ERC2: variants seen among roughly 807,000 people sequenced by gnomAD.
ERC2 encodes the protein ELKS/RAB6-interacting/CAST family member 2.
In ERC2, 42 loss-of-function variants were observed where a neutral mutation model predicts 114.8. The observed-to-expected ratio is 0.37, with a 90% confidence interval of 0.29 to 0.47. ERC2 has a LOEUF of 0.47. Among genes scored for constraint, ERC2 ranks in the 20% least tolerant of loss-of-function variants. The probability of loss-of-function intolerance (pLI) is 0.99; values close to 1 mark genes in which losing one functional copy is unlikely to be tolerated. For synonymous variants in ERC2, 454 were observed against 425.5 expected (o/e 1.07, Z -0.82); for missense variants, 939 against 1,150.7 (o/e 0.82, Z 2.66).
intron 13 of ERC2, among the ~76,000 whole-genome samples, chr3:55,894,919 C>T (rs1343001266): frequency 1.3e-5 from 2 of 152,180 alleles, no homozygotes; most frequent in African/African-American, 4.8e-5. Context: ...ATTATTCAGC[C>T]TATCTATGTC....
chr3:55,667,877 A>C (rs1187721970), intron 17 of ERC2, among the ~76,000 whole-genome samples: 1 of 152,198 alleles, frequency 6.6e-6, no homozygotes, highest in African/African-American at 2.4e-5. Context: ...GCTCTATGCC[A>C]GGATTTCTCA....
intron 16 of ERC2, among the ~76,000 whole-genome samples, chr3:55,694,146 G>A (rs1414068979): frequency 6.6e-6 from 1 of 152,160 alleles, no homozygotes; most frequent in African/African-American, 2.4e-5. Flanking sequence ...AAATACACGT[G>A]GTTGCATAGA....
At chr3:55,754,255 C>T (rs2066908895) in intron 14 of ERC2, among the ~76,000 whole-genome samples, 1 of 151,896 alleles carries the variant, frequency 6.6e-6, no homozygotes, top group African/African-American at 2.4e-5. Context: ...CTTTTATCTA[C>T]AGATTCAATA....
intron 7 of ERC2, among the ~76,000 whole-genome samples, chr3:56,064,356 G>T (rs1049504816): frequency 6.6e-6 from 1 of 152,136 alleles, no homozygotes; most frequent in Admixed American, 6.6e-5. Flanking sequence ...ATTCCATTTG[G>T]AGACAGCCTT....
intron 1 of ERC2, among the ~76,000 whole-genome samples, chr3:56,435,496 C>T (rs2061977595): frequency 6.6e-6 from 1 of 152,170 alleles, no homozygotes; most frequent in African/African-American, 2.4e-5. Context: ...TGGAATTGCC[C>T]ATCATGGAGA....
At chr3:55,846,232 A>G (rs7636607) in intron 14 of ERC2, among the ~76,000 whole-genome samples, 27,175 of 152,118 alleles carry the variant, frequency 0.18, 3,574 homozygotes, top group African/African-American at 0.37. Flanking sequence ...CCTCTTATAA[A>G]TGAGAACATA....
At chr3:56,001,794 C>A (rs1373549443) in intron 10 of ERC2, among the ~76,000 whole-genome samples, 2 of 152,136 alleles carry the variant, frequency 1.3e-5, no homozygotes, top group Non-Finnish European at 2.9e-5. Flanking sequence ...CAAAACATGA[C>A]ATTCTTTGGT....
At chr3:55,580,354 C>A (rs116504965) in intron 17 of ERC2, among the ~76,000 whole-genome samples, 2 of 151,838 alleles carry the variant, frequency 1.3e-5, no homozygotes, top group African/African-American at 4.8e-5. Context: ...GGGCAAGAAA[C>A]CTATTTCAGC....
intron 1 of ERC2, among the ~76,000 whole-genome samples, chr3:56,454,135 A>C (rs1032906737): frequency 1.1e-4 from 16 of 152,186 alleles, no homozygotes; most frequent in African/African-American, 3.9e-4. Context: ...TACCTTCCTT[A>C]AAGGCAAGAA....
intron 3 of ERC2, among the ~76,000 whole-genome samples, chr3:56,211,414 A>G (rs2049050943): frequency 6.6e-6 from 1 of 152,196 alleles, no homozygotes; most frequent in South Asian, 2.1e-4. Flanking sequence ...AAAGACTTCT[A>G]CAAGGAAAAC....
At chr3:56,310,863 G>A (rs1409596277) in intron 2 of ERC2, among the ~76,000 whole-genome samples, 1 of 151,812 alleles carries the variant, frequency 6.6e-6, no homozygotes, top group Admixed American at 6.6e-5. Context: ...ATGAAGGTGT[G>A]AGAAATGCTT....
intron 15 of ERC2, among the ~76,000 whole-genome samples, chr3:55,720,957 T>C (rs1228527440): frequency 6.6e-6 from 1 of 152,204 alleles, no homozygotes; most frequent in African/African-American, 2.4e-5. Context: ...GTGAGTTAGG[T>C]AGGAAACAAT....
At chr3:56,108,890 A>G (rs2078809408) in intron 6 of ERC2, among the ~76,000 whole-genome samples, 1 of 152,216 alleles carries the variant, frequency 6.6e-6, no homozygotes, top group Non-Finnish European at 1.5e-5. Context: ...CCAATGATAG[A>G]TGAGAAATAA....
At chr3:55,902,109 T>C (rs575985773) in intron 13 of ERC2, among the ~76,000 whole-genome samples, 129 of 152,290 alleles carry the variant, frequency 8.5e-4, no homozygotes, top group African/African-American at 2.9e-3. Flanking sequence ...TCCTTATTAT[T>C]ATAATTCAGG....
At chr3:55,967,231 G>A (rs566847676) in intron 12 of ERC2, among the ~76,000 whole-genome samples, 5 of 152,294 alleles carry the variant, frequency 3.3e-5, no homozygotes, top group Non-Finnish European at 5.9e-5. Flanking sequence ...ATTTAGAAAT[G>A]AGAAATAATT....
intron 3 of ERC2, among the ~76,000 whole-genome samples, chr3:56,244,489 T>C (rs1280750909): frequency 1.3e-5 from 2 of 152,120 alleles, no homozygotes; most frequent in Non-Finnish European, 2.9e-5. Context: ...GACAGCTCCA[T>C]GCGTGTTACT....
intron 13 of ERC2, among the ~76,000 whole-genome samples, chr3:55,923,784 T>C: frequency 6.6e-6 from 1 of 152,092 alleles, no homozygotes; most frequent in East Asian, 1.9e-4. Flanking sequence ...TTAAGACAAA[T>C]GGATCTCATT....
chr3:56,398,046 G>A (rs2106917949), intron 2 of ERC2, among the ~76,000 whole-genome samples: 1 of 152,326 alleles, frequency 6.6e-6, no homozygotes, highest in Non-Finnish European at 1.5e-5. Context: ...CACAAAGAAG[G>A]CTGGGAAATG....
intron 14 of ERC2, among the ~76,000 whole-genome samples, chr3:55,820,334 G>C (rs1046156380): frequency 3.9e-5 from 6 of 152,158 alleles, no homozygotes; most frequent in Admixed American, 3.9e-4. Context: ...CTCAGAACGG[G>C]AGTGGACCAG....
Sources: gnomAD v4.1 joint callset for allele counts (sites outside exome capture counted in the v4.1 genomes callset) on GRCh38, gnomAD v4.1.1 for gene constraint, MANE v1.5 for transcripts, NCBI Gene and HGNC (gene_info 2026-07-23, HGNC 2026-07-21) for gene names.